Variants in PAPPA observed in about 807,000 individuals in gnomAD.
The protein encoded by PAPPA is pappalysin-1.
PAPPA carries 60 observed loss-of-function variants against 164.0 expected under a neutral mutation model. The observed-to-expected ratio is 0.37, with a 90% CI of 0.30 to 0.45. The LOEUF is 0.45. Among genes scored for constraint, PAPPA ranks in the 20% least tolerant of loss-of-function variants. The pLI is 1.00. For synonymous variants in PAPPA, 875 were observed against 814.1 expected, an observed-to-expected ratio of 1.07 and a Z score of -1.27; for missense variants, 1,782 against 2,087.3, an observed-to-expected ratio of 0.85 and a Z score of 2.85.
intron 13 of PAPPA, 57 bp downstream of exon 13, chr9:116,335,131 T>A (rs913607349): frequency 2.7e-5 from 38 of 1,418,782 alleles, no homozygotes; most frequent in Non-Finnish European, 3.5e-5. Context: ...GGAGACAGTG[T>A]GATTTTGAAG....
intron 9 of PAPPA, among the ~76,000 whole-genome samples, chr9:116,293,860 C>T (rs1054994837): frequency 7.2e-5 from 11 of 152,094 alleles, no homozygotes; most frequent in African/African-American, 2.7e-4. Context: ...GAGGCTGAGG[C>T]AGGAGAATCA....
intron 9 of PAPPA, among the ~76,000 whole-genome samples, chr9:116,281,012 CT>C (rs749722465): frequency 1.3e-5 from 2 of 152,150 alleles, no homozygotes; most frequent in African/African-American, 2.4e-5. Flanking sequence ...ATATTTGAAA[CT>C]AACTGGCTAA....
chr9:116,155,525 G>T (rs1843591681), intron 1 of PAPPA, among the ~76,000 whole-genome samples: 1 of 152,212 alleles, frequency 6.6e-6, no homozygotes, highest in African/African-American at 2.4e-5. Context: ...TTCTGTCTGG[G>T]AGATTCCCTT....
At chr9:116,174,540 C>G (rs1843809854) in intron 1 of PAPPA, among the ~76,000 whole-genome samples, 1 of 152,142 alleles carries the variant, frequency 6.6e-6, no homozygotes, top group Admixed American at 6.5e-5. Context: ...AGTGCCTCCT[C>G]CTCCCAATGC....
chr9:116,352,366 C>T (rs1484827964), intron 15 of PAPPA, among the ~76,000 whole-genome samples: 9 of 152,162 alleles, frequency 5.9e-5, no homozygotes, highest in Admixed American at 5.9e-4. Context: ...GCCTCCATCT[C>T]TGTGCTCAGA....
At chr9:116,270,208 C>A (rs1845120973) in intron 8 of PAPPA, among the ~76,000 whole-genome samples, 1 of 152,128 alleles carries the variant, frequency 6.6e-6, no homozygotes, top group Non-Finnish European at 1.5e-5. Context: ...ACCCACTGTG[C>A]CAACCACTTT....
intron 10 of PAPPA, among the ~76,000 whole-genome samples, chr9:116,314,098 A>C (rs1411529522): frequency 2.0e-5 from 2 of 97,580 alleles, no homozygotes; most frequent in Non-Finnish European, 3.7e-5. Flanking sequence ...TTTGAGATGG[A>C]GTCTCACTCT....
intron 9 of PAPPA, among the ~76,000 whole-genome samples, chr9:116,274,233 C>T (rs1006377268): frequency 6.6e-6 from 1 of 152,126 alleles, no homozygotes; most frequent in African/African-American, 2.4e-5. Flanking sequence ...CTCTGTTACC[C>T]CTGTATGTTC....
At chr9:116,189,857 G>C (rs369206993) in intron 2 of PAPPA, among the ~76,000 whole-genome samples, 1 of 152,196 alleles carries the variant, frequency 6.6e-6, no homozygotes, top group South Asian at 2.1e-4. Context: ...AAATACCTAT[G>C]TGCAAAGGAA....
intron 1 of PAPPA, among the ~76,000 whole-genome samples, chr9:116,181,814 C>T (rs146144577): frequency 6.6e-6 from 1 of 152,324 alleles, no homozygotes; most frequent in Non-Finnish European, 1.5e-5. Context: ...TGGGTTCTAG[C>T]GAAGTGGGCT....
At chr9:116,325,849 G>C (rs538196721) in intron 10 of PAPPA, among the ~76,000 whole-genome samples, 22 of 152,210 alleles carry the variant, frequency 1.4e-4, no homozygotes, top group African/African-American at 5.1e-4. Flanking sequence ...ACTATTTCTG[G>C]GAGACAGAAA....
chr9:116,275,504 A>G (rs1845185954), intron 9 of PAPPA, among the ~76,000 whole-genome samples: 1 of 152,176 alleles, frequency 6.6e-6, no homozygotes. Context: ...ACACAGAGGT[A>G]TGATCCTCTC....
chr9:116,279,737 G>A (rs768980349), intron 9 of PAPPA, among the ~76,000 whole-genome samples: 1 of 152,224 alleles, frequency 6.6e-6, no homozygotes, highest in Non-Finnish European at 1.5e-5. Flanking sequence ...GCACATACAT[G>A]TGCCTTGATG....
chr9:116,217,716 G>A lies in PAPPA; in HGVS notation c.1919-2221G>A, dbSNP rs147635506. On this transcript the variant is annotated intron_variant, in intron 4 of 21. Coordinates refer to ENST00000328252, the MANE Select transcript of PAPPA (RefSeq NM_002581.5). ...TGTACTAACATTTATCATGGGGCAG[G>A]CATTGCTCTTAGTGCCCCACACCCC... 9.2e-5 allele frequency among the ~76,000 whole-genome samples: 14 copies of A among 152,150 alleles called. No homozygotes were observed. The East Asian group carries it at 2.7e-3, about 29-fold the overall frequency.
At chr9:116,180,033 AT>A (rs1245256030) in intron 1 of PAPPA, among the ~76,000 whole-genome samples, 2 of 151,980 alleles carry the variant, frequency 1.3e-5, no homozygotes, top group Non-Finnish European at 2.9e-5. Context: ...GCATCCTTTA[AT>A]TGAAGGGTCT....
In PAPPA at chr9:116,377,665, C is replaced by T. The variant is rs1382785956; in HGVS notation, c.4677+18C>T. On this transcript the variant is annotated intron_variant, in intron 20 of 21. Coordinates refer to ENST00000328252, the MANE Select transcript of PAPPA (RefSeq NM_002581.5). ...GCTGTGAGGTGAGTCACAAGGAAGG[C>T]ACTCCTCAGTTCCCTGGAAATAATC... The T allele has an allele frequency of 2.5e-6, 4 of 1,573,594 alleles. No individual in the cohort carries two copies. The highest frequency in any genetic ancestry group is 1.3e-5 in the African/African-American group (1 of 74,104).
At chr9:116,223,788 G>A (rs1315195713) in intron 5 of PAPPA, among the ~76,000 whole-genome samples, 2 of 152,152 alleles carry the variant, frequency 1.3e-5, no homozygotes, top group African/African-American at 4.8e-5. Context: ...TTTAATGCCA[G>A]GTCATACATT....
At chr9:116,287,523 G>A (rs913169348) in intron 9 of PAPPA, 6 of 152,206 alleles carry the variant, frequency 3.9e-5, no homozygotes, top group South Asian at 2.1e-4. Context: ...GAGTGCGTTC[G>A]AGAAGAGAGA....
chr9:116,220,562 C>CAT (rs10677414), intron 5 of PAPPA, among the ~76,000 whole-genome samples: 79,785 of 149,668 alleles, frequency 0.53, 21,774 homozygotes, highest in East Asian at 0.81. Context: ...ATGTGTGTCA[C>CAT]GTGTGTATAT....
Sources: gnomAD v4.1 joint callset for allele counts (sites outside exome capture counted in the v4.1 genomes callset) on GRCh38, gnomAD v4.1.1 for gene constraint, MANE v1.5 for transcripts, NCBI Gene and HGNC (gene_info 2026-07-23, HGNC 2026-07-21) for gene names.